EPSTI1: variants seen among roughly 807,000 people sequenced by gnomAD.
EPSTI1 encodes epithelial stromal interaction 1.
In EPSTI1, 66 loss-of-function variants were observed where a neutral mutation model predicts 49.9. The ratio of observed to expected loss-of-function variants is 1.32; its 90% confidence interval spans 1.08 to 1.62. The LOEUF (loss-of-function observed/expected upper bound fraction) is 1.62. EPSTI1 is among the 40% of genes most tolerant of loss of function. EPSTI1 has a pLI of 0.00. For missense variants in EPSTI1, 394 were observed against 365.5 expected, an observed-to-expected ratio of 1.08 and a Z score of -0.64; for synonymous variants, 137 against 130.7, an observed-to-expected ratio of 1.05 and a Z score of -0.33.
intron 5 of EPSTI1, among the ~76,000 whole-genome samples, chr13:42,955,871 A>G (rs1438303574): frequency 3.4e-5 from 1 of 29,468 alleles, no homozygotes; most frequent in Non-Finnish European, 9.6e-5. Flanking sequence ...TTGATGAAGA[A>G]GTATTTGGGG....
chr13:42,917,640 G>GTT lies in EPSTI1; in HGVS notation c.658-17_658-16insAA. ...AGCTTCTGGCCTGTAAAGGTACAAA[G>GTT]AGAAAAAAAAAAAAAAAAACAACTT... On this transcript the variant is annotated splice_polypyrimidine_tract_variant and intron_variant, in intron 7 of 10. Transcript: ENST00000313624. The GTT allele has an allele frequency of 5.4e-5, 8 of 149,402 alleles. No individual in the cohort carries two copies. Among genetic ancestry groups the GTT allele is most frequent in the Non-Finnish European group, 8.6e-5 (8 of 92,622 alleles). 9.3% of individuals were successfully genotyped at this position (149,402 alleles called of 1,614,324 possible).
chr13:42,896,449 T>C (rs2037191734), intron 9 of EPSTI1, among the ~76,000 whole-genome samples: 6 of 152,306 alleles, frequency 3.9e-5, no homozygotes, highest in Admixed American at 6.5e-5. Context: ...CCAGTCTTTT[T>C]GTCATTAACA....
At chr13:42,981,041 G>C (rs1483826973) in intron 1 of EPSTI1, among the ~76,000 whole-genome samples, 1 of 152,096 alleles carries the variant, frequency 6.6e-6, no homozygotes, top group Non-Finnish European at 1.5e-5. Context: ...ACTAGCCCTT[G>C]AGTTTTAATG....
chr13:42,985,635 C>T lies in EPSTI1; in HGVS notation c.188+6343G>A, dbSNP rs541080585. Among the ~76,000 whole-genome samples, 268 of 152,262 alleles carry T rather than the reference C, an allele frequency of 1.8e-3. 1 individual carries two copies. The highest frequency in any genetic ancestry group is 5.9e-3 in the African/African-American group (243 of 41,536). On this transcript the variant is annotated intron_variant, in intron 1 of 10. Coordinates refer to ENST00000313624, the MANE Select transcript of EPSTI1 (RefSeq NM_033255.5). ...AATCTTGGACACGAATATGGGGAGT[C>T]TTCCAGCAAAAGTTGCCTAATAGAG...
chr13:42,916,416 C>T (rs1234055011), intron 8 of EPSTI1, among the ~76,000 whole-genome samples: 1 of 152,064 alleles, frequency 6.6e-6, no homozygotes, highest in Admixed American at 6.6e-5. Context: ...CCTAGGGACA[C>T]ATTTATACCA....
rs1221130371 is a variant in EPSTI1 at position 42,921,192 on chromosome 13, T to C, written c.658-3568A>G. The stretch of plus-strand genomic sequence containing the variant: ...ATTAAAAAAAGACTTTCACACTAAA[T>C]CACATCATTACAGAATGCCAGAAAA... On this transcript the variant is annotated intron_variant, in intron 7 of 10. Transcript: ENST00000313624. 2.6e-5 allele frequency among the ~76,000 whole-genome samples: 4 copies of C among 152,090 alleles called. No individual in the cohort carries two copies. In the South Asian group the frequency reaches 6.2e-4, roughly 24 times the overall value.
intron 7 of EPSTI1, chr13:42,919,317 G>A (rs1466356190): frequency 3.7e-6 from 6 of 1,613,524 alleles, no homozygotes; most frequent in Non-Finnish European, 5.1e-6. Flanking sequence ...TGATCCCTAG[G>A]CAGGATAGGA....
At chr13:42,939,430 GAC>G (rs1383624913) in intron 6 of EPSTI1, among the ~76,000 whole-genome samples, 2 of 122,110 alleles carry the variant, frequency 1.6e-5, no homozygotes, top group African/African-American at 2.6e-5. Context: ...TAAAATGAGA[GAC>G]ATGTGATATT....
intron 1 of EPSTI1, among the ~76,000 whole-genome samples, chr13:42,982,652 T>G (rs1476663693): frequency 6.6e-6 from 1 of 152,210 alleles, no homozygotes; most frequent in Non-Finnish European, 1.5e-5. Flanking sequence ...TGCAAAGTAC[T>G]TCTCTATTCA....
chr13:42,963,181 C>G, intron 5 of EPSTI1, 74 bp downstream of exon 5: 1 of 1,205,596 alleles, frequency 8.3e-7, no homozygotes, highest in Non-Finnish European at 1.2e-6. Flanking sequence ...TTTAAAGTTA[C>G]TATAATAAAA....
intron 1 of EPSTI1, among the ~76,000 whole-genome samples, chr13:42,982,040 A>G (rs1356272967): frequency 6.6e-6 from 1 of 152,192 alleles, no homozygotes. Context: ...GAGAGATTCC[A>G]CCTTGAATAG....
At chr13:42,963,105 A>G in intron 5 of EPSTI1, 150 bp downstream of exon 5, 1 of 708,704 alleles carries the variant, frequency 1.4e-6, no homozygotes, top group Non-Finnish European at 2.4e-6. Flanking sequence ...ATGGAAGGAA[A>G]AAAACTGGAT....
chr13:42,966,744 G>GGGATCAGC (rs1316858096), intron 3 of EPSTI1, among the ~76,000 whole-genome samples: 1 of 86,546 alleles, frequency 1.2e-5, no homozygotes, highest in Non-Finnish European at 2.6e-5. Context: ...GGTGAGGGGC[G>GGGATCAGC]CCTCCGCCCG....
rs1340018076 is a variant in EPSTI1, at chr13:42,896,788, A to AT, written c.816-1681dup. ...TACCTTTCCTCCCCCACTGAGTATC[A>AT]TTCTCTTCTTCACTCACTATAATCC... On this transcript the variant is annotated intron_variant, in intron 9 of 10. Coordinates refer to ENST00000313624, the MANE Select transcript of EPSTI1 (RefSeq NM_033255.5). Among the ~76,000 whole-genome samples the AT allele has an allele frequency of 2.0e-5, 3 of 152,240 alleles. No homozygotes were observed. In the East Asian group the frequency reaches 5.8e-4, roughly 29 times the overall value.
chr13:42,903,295 G>A (rs1462950582), intron 8 of EPSTI1, among the ~76,000 whole-genome samples: 1 of 151,958 alleles, frequency 6.6e-6, no homozygotes, highest in Admixed American at 6.6e-5. Flanking sequence ...TACAATCACA[G>A]CCATACAAAA....
chr13:42,909,102 T>TAATAAC (rs200377889), intron 8 of EPSTI1, among the ~76,000 whole-genome samples: 23,030 of 150,954 alleles, frequency 0.15, 1,821 homozygotes, highest in African/African-American at 0.19. Context: ...TCAAAAATAA[T>TAATAAC]AACAATTTAA....
chr13:42,918,218 C>A (rs9594832), intron 7 of EPSTI1, among the ~76,000 whole-genome samples: 29,188 of 152,148 alleles, frequency 0.19, 2,905 homozygotes, highest in African/African-American at 0.21. Context: ...TTTGGCAAGC[C>A]AGCACATGAG....
chr13:42,983,077 T>C (rs2040013990), intron 1 of EPSTI1, among the ~76,000 whole-genome samples: 1 of 152,206 alleles, frequency 6.6e-6, no homozygotes, highest in Non-Finnish European at 1.5e-5. Context: ...CTATGTCCTA[T>C]AAAACTTATG....
chr13:42,905,388 T>C (rs2037471451), intron 8 of EPSTI1, among the ~76,000 whole-genome samples: 1 of 152,214 alleles, frequency 6.6e-6, no homozygotes, highest in Non-Finnish European at 1.5e-5. Flanking sequence ...GGCTGGTTTT[T>C]CTTCCGTACT....
Sources: gnomAD v4.1 joint callset for allele counts (sites outside exome capture counted in the v4.1 genomes callset) on GRCh38, gnomAD v4.1.1 for gene constraint, MANE v1.5 for transcripts, NCBI Gene and HGNC (gene_info 2026-07-23, HGNC 2026-07-21) for gene names.